The following SF3B2 variants were observed in gnomAD, a reference collection of about 807,000 sequenced individuals.
The protein encoded by SF3B2 is SAP 145.
SF3B2 carries 22 observed loss-of-function variants against 116.3 expected under a neutral mutation model. That is an observed-to-expected ratio of 0.19 (90% CI 0.14 to 0.27). SF3B2 has a LOEUF of 0.27. SF3B2 is among the 10% of genes least tolerant of loss of function. The pLI, the probability that SF3B2 is intolerant of heterozygous loss-of-function variation, is 1.00. For synonymous variants in SF3B2, 406 were observed against 421.6 expected (o/e 0.96, Z 0.45); for missense variants, 767 against 1,151.4 (o/e 0.67, Z 4.83).
Position 66,069,300 on chromosome 11 carries a change from C to T in SF3B2, c.*555C>T, listed in dbSNP as rs1237260004. The T allele has an allele frequency of 2.3e-6, 1 of 441,120 alleles. No homozygotes were observed. The highest frequency in any genetic ancestry group is 2.0e-5 in the African/African-American group (1 of 49,752). The allele number at this position is 441,120 out of a possible 1,614,324, so 27.3% of individuals were successfully genotyped here. On this transcript the variant is annotated 3_prime_UTR_variant, in exon 22 of 22. Transcript: ENST00000322535. ...CAACATAGCTCAAAAGCTAAATTGT[C>T]TTGAGTCCATATGAACCCTTGGGTT...
At chr11:66,052,827 C>A in intron 2 of SF3B2, 108 bp downstream of exon 2, 1 of 1,356,616 alleles carries the variant, frequency 7.4e-7, no homozygotes, top group Non-Finnish European at 1.0e-6. Flanking sequence ...CACAGCAAGG[C>A]GGAGGCTTGC....
chr11:66,069,015 G>C lies in SF3B2; in HGVS notation c.*270G>C. On this transcript the variant is annotated 3_prime_UTR_variant, in exon 22 of 22. Transcript: ENST00000322535. ...CCCAGTAACCACGAACATAAACTGG[G>C]ATTAGACGGCGCATTTGACTGGTGG... The C allele has an allele frequency of 2.2e-6, 1 of 454,528 alleles. No individual in the cohort carries two copies. Among genetic ancestry groups the C allele is most frequent in the Non-Finnish European group, 4.1e-6 (1 of 245,314 alleles). The allele number at this position is 454,528 out of a possible 1,614,324, so 28.2% of individuals were successfully genotyped here. A position where few individuals can be genotyped will look rare whatever the true frequency, so the allele number is the denominator to read the frequency against.
intron 19 of SF3B2, chr11:66,065,545 GA>G (rs1203429583): frequency 6.6e-6 from 1 of 152,064 alleles, no homozygotes; most frequent in African/African-American, 2.4e-5. Flanking sequence ...GATTTCTGCA[GA>G]TATTTTCTCT....
Position 66,059,464 on chromosome 11 carries a change from G to A in SF3B2, c.1321-51G>A. On this transcript the variant is annotated intron_variant, in intron 11 of 21. Coordinates refer to ENST00000322535, the MANE Select transcript of SF3B2 (RefSeq NM_006842.3). This position sits in a 1 kb window ranked among gnomAD's most constrained non-coding sequence, Gnocchi z 5.0. ...GCTTAAGGTTGGGGTGGGTTGGGCA[G>A]TTTCATTCACATCTGAGTCCTGCTT... 6.2e-7 allele frequency: 1 copy of A among 1,611,388 alleles called. No individual in the cohort carries two copies. The highest frequency in any genetic ancestry group is 8.5e-7 in the Non-Finnish European group (1 of 1,177,600).
intron 9 of SF3B2, 81 bp from the exon 10 acceptor site, chr11:66,058,748 GA>G (rs1857046701): frequency 1.7e-6 from 2 of 1,188,714 alleles, no homozygotes; most frequent in East Asian, 4.8e-5. Context: ...CTGTGGGGGA[GA>G]ATGGGGGAGG....
intron 14 of SF3B2, among the ~76,000 whole-genome samples, chr11:66,061,456 T>C (rs939070219): frequency 6.6e-6 from 1 of 152,214 alleles, no homozygotes; most frequent in African/African-American, 2.4e-5. Context: ...ATTTTACAGA[T>C]GAGGAGGCAG....
chr11:66,061,718 G>A lies in SF3B2; in HGVS notation c.1812G>A (p.Lys604=), dbSNP rs745809490. 9 of 1,614,238 alleles carry A rather than the reference G, an allele frequency of 5.6e-6. No homozygotes were observed. The highest frequency in any genetic ancestry group is 7.6e-6 in the Non-Finnish European group (9 of 1,180,048). ...AGTTCGAGACACGACTGAAGGAGAA[G>A]AAGCCAGGAGATCTGTCTGATGAGC... The part of the protein sequence containing the change: ...GKEFETRLKE[K]KPGDLSDELR... Residue 604 remains lysine (K), a synonymous_variant, in exon 15 of 22, where the codon AAG becomes AAA. Coordinates refer to ENST00000322535, the MANE Select transcript of SF3B2 (RefSeq NM_006842.3).
intron 6 of SF3B2, 43 bp from the exon 7 acceptor site, chr11:66,057,222 GT>G (rs1480184863): frequency 8.1e-7 from 1 of 1,237,694 alleles, no homozygotes; most frequent in Admixed American, 1.7e-5. Context: ...TTACGTGAGT[GT>G]TTTGCCTCTT....
Position 66,058,666 on chromosome 11 carries a change from G to A in SF3B2, c.967-164G>A, listed in dbSNP as rs1857045212. 8 of 661,144 alleles carry A rather than the reference G, an allele frequency of 1.2e-5. No homozygotes were observed. In the East Asian group the frequency reaches 2.2e-4, roughly 18 times the overall value. The allele number at this position is 661,144 out of a possible 1,614,324, so 41.0% of individuals were successfully genotyped here. On this transcript the variant is annotated intron_variant, in intron 9 of 21. Transcript: ENST00000322535. ...TACAGCTTGTGAGTGGCAGAACTTTGGAGTCTGACTCCAAGGCCCCTTCGC... is the reference window on the plus strand; with the variant it reads ...TACAGCTTGTGAGTGGCAGAACTTTAGAGTCTGACTCCAAGGCCCCTTCGC...
rs567238400 is a variant in SF3B2 at position 66,059,429 on chromosome 11, A to C, written c.1321-86A>C. 7 of 1,609,172 alleles carry C rather than the reference A, an allele frequency of 4.4e-6. No individual in the cohort carries two copies. The African/African-American group carries it at 9.4e-5, about 22-fold the overall frequency. ...GAGGGACCATGGTGAACTCTTACAGAGCTTTGGTGGCTTAAGGTTGGGGTG... is the reference window on the plus strand; with the variant it reads ...GAGGGACCATGGTGAACTCTTACAGCGCTTTGGTGGCTTAAGGTTGGGGTG... On this transcript the variant is annotated intron_variant, in intron 11 of 21. Transcript: ENST00000322535. The surrounding 1 kb of genome is among the most constrained non-coding windows in gnomAD (Gnocchi z 5.0).
At chr11:66,063,833 G>A in intron 19 of SF3B2, 104 bp downstream of exon 19, 1 of 904,556 alleles carries the variant, frequency 1.1e-6, no homozygotes, top group Non-Finnish European at 1.6e-6. Flanking sequence ...AACAATTATT[G>A]AACCAACTCT....
chr11:66,062,101 A>G, intron 16 of SF3B2, 103 bp downstream of exon 16: 2 of 778,674 alleles, frequency 2.6e-6, no homozygotes, highest in Non-Finnish European at 4.2e-6. Context: ...CTCTTTATTT[A>G]CTTAAAAAAT....
intron 19 of SF3B2, among the ~76,000 whole-genome samples, chr11:66,064,411 A>G (rs1209868564): frequency 6.6e-6 from 1 of 152,212 alleles, no homozygotes; most frequent in Non-Finnish European, 1.5e-5. Context: ...GCTTCCAGAT[A>G]GTATTAAGAG....
intron 16 of SF3B2, 42 bp from the exon 17 acceptor site, chr11:66,062,967 T>C: frequency 7.2e-7 from 1 of 1,380,342 alleles, no homozygotes; most frequent in South Asian, 1.3e-5. Context: ...AGAATTTCTT[T>C]TGCAGCTAAG....
intron 17 of SF3B2, 84 bp from the exon 18 acceptor site, chr11:66,063,316 C>A: frequency 7.3e-7 from 1 of 1,368,624 alleles, no homozygotes; most frequent in Non-Finnish European, 1.0e-6. Context: ...TGTTTTGACT[C>A]TTACACCCCT....
intron 3 of SF3B2, 125 bp downstream of exon 3, chr11:66,053,229 T>C (rs1590706853): frequency 1.1e-6 from 1 of 895,854 alleles, no homozygotes; most frequent in Non-Finnish European, 1.8e-6. Context: ...TCGCCTGACC[T>C]GAGTGGGGAA....
At chr11:66,057,034 A>G in intron 6 of SF3B2, 79 bp downstream of exon 6, 1 of 1,079,610 alleles carries the variant, frequency 9.3e-7, no homozygotes. Context: ...TATCTATCAC[A>G]TTTAAAAAGG....
intron 8 of SF3B2, 25 bp from the exon 9 acceptor site, chr11:66,058,289 C>T: frequency 6.2e-7 from 1 of 1,606,142 alleles, no homozygotes. Context: ...ACCGTGAAGA[C>T]TCATCACCAC....
chr11:66,059,131 T>G lies in SF3B2; in HGVS notation c.1183-70T>G. On this transcript the variant is annotated intron_variant, in intron 10 of 21. Transcript: ENST00000322535. The surrounding 1 kb of genome is among the most constrained non-coding windows in gnomAD (Gnocchi z 5.0). ...TGAGAGGCAGCGGTGAACAGGCATCTTTTAGTGCTGGCCTTAGGAACTGGG... is the reference window on the plus strand; with the variant it reads ...TGAGAGGCAGCGGTGAACAGGCATCGTTTAGTGCTGGCCTTAGGAACTGGG... The G allele has an allele frequency of 1.9e-6, 3 of 1,610,798 alleles. No individual in the cohort carries two copies. The highest frequency in any genetic ancestry group is 1.1e-5 in the South Asian group (1 of 90,850).
Sources: allele counts gnomAD v4.1 joint callset (sites outside exome capture counted in the v4.1 genomes callset), GRCh38; gene constraint gnomAD v4.1.1; non-coding constraint Gnocchi (gnomAD v3.1); transcripts MANE v1.5; gene names NCBI Gene and HGNC (gene_info 2026-07-23, HGNC 2026-07-21).